Variants in SPIRE1 observed in about 807,000 individuals in gnomAD.
SPIRE1 encodes spire type actin nucleation factor 1.
SPIRE1 carries 40 observed loss-of-function variants against 94.1 expected under a neutral mutation model. The observed-to-expected ratio is 0.43, with a 90% CI of 0.33 to 0.55. SPIRE1 has a LOEUF of 0.55. Ranked by LOEUF, SPIRE1 falls within the 20% of genes least tolerant of loss-of-function variation. SPIRE1 has a pLI of 0.06. For synonymous variants in SPIRE1, 376 were observed against 371.7 expected (o/e 1.01, Z -0.13); for missense variants, 838 against 975.2 (o/e 0.86, Z 1.87).
At chr18:12,452,685 G>A in intron 14 of SPIRE1, 173 bp from the exon 15 acceptor site, 1 of 691,190 alleles carries the variant, frequency 1.4e-6, no homozygotes, top group Non-Finnish European at 2.5e-6. Context: ...ATAATCTACA[G>A]AACTTAACTC....
At chr18:12,489,311 T>C (rs2033149655) in intron 8 of SPIRE1, among the ~76,000 whole-genome samples, 1 of 152,236 alleles carries the variant, frequency 6.6e-6, no homozygotes, top group South Asian at 2.1e-4. Flanking sequence ...TTACCTACTC[T>C]AGATTGTCCT....
At chr18:12,534,589 A>G (rs1227697019) in intron 4 of SPIRE1, among the ~76,000 whole-genome samples, 2 of 152,028 alleles carry the variant, frequency 1.3e-5, no homozygotes, top group Non-Finnish European at 2.9e-5. Context: ...AGAGGAAGGA[A>G]AATTGGTCTC....
chr18:12,481,898 G>A (rs2032856654), intron 9 of SPIRE1, among the ~76,000 whole-genome samples: 1 of 152,126 alleles, frequency 6.6e-6, no homozygotes, highest in African/African-American at 2.4e-5. Flanking sequence ...GAATTTTCTA[G>A]GAGAAAGCAC....
chr18:12,531,312 T>C (rs895291051), intron 4 of SPIRE1, among the ~76,000 whole-genome samples: 3 of 152,192 alleles, frequency 2.0e-5, no homozygotes, highest in Admixed American at 6.6e-5. Context: ...CATTCTCTCA[T>C]AAACTCTCTT....
At chr18:12,514,351 TTTCCATAGCTC>T (rs991965889) in intron 4 of SPIRE1, among the ~76,000 whole-genome samples, 2 of 152,212 alleles carry the variant, frequency 1.3e-5, no homozygotes, top group Non-Finnish European at 2.9e-5. Context: ...TTTATGTCTT[TTTCCATAGCTC>T]TTCCTACCTT....
rs566339859 is a variant in SPIRE1 at position 12,559,429 on chromosome 18, C to T, written c.373-12525G>A. Reference sequence around the variant, plus strand: ...CCCACCCGGAACTCGTGCTGGCCTGCGAACACCACGCGCAGCCCTGGTTGC... The same window carrying T: ...CCCACCCGGAACTCGTGCTGGCCTGTGAACACCACGCGCAGCCCTGGTTGC... On this transcript the variant is annotated intron_variant, in intron 2 of 16. Coordinates refer to ENST00000409402, the MANE Select transcript of SPIRE1 (RefSeq NM_001128626.2). This position sits in a 1 kb window ranked among gnomAD's most constrained non-coding sequence, Gnocchi z 4.7. Among the ~76,000 whole-genome samples the T allele has an allele frequency of 1.0e-3, 158 of 152,258 alleles. No homozygotes were observed. The highest frequency in any genetic ancestry group is 3.5e-3 in the African/African-American group (145 of 41,560).
At chr18:12,457,155 G>C (rs554677987) in intron 12 of SPIRE1, among the ~76,000 whole-genome samples, 10 of 152,258 alleles carry the variant, frequency 6.6e-5, no homozygotes. Flanking sequence ...TTTAAAAATA[G>C]TAGATTTTTG....
chr18:12,476,826 T>C (rs1260140516), intron 10 of SPIRE1, among the ~76,000 whole-genome samples: 1 of 152,106 alleles, frequency 6.6e-6, no homozygotes, highest in Non-Finnish European at 1.5e-5. Flanking sequence ...CTTATTTCCA[T>C]ACCCTTGTCT....
chr18:12,636,832 A>G (rs2037941801), intron 1 of SPIRE1, among the ~76,000 whole-genome samples: 1 of 152,228 alleles, frequency 6.6e-6, no homozygotes, highest in Non-Finnish European at 1.5e-5. Flanking sequence ...ATTTATACAT[A>G]TGATTGTTTG....
intron 12 of SPIRE1, among the ~76,000 whole-genome samples, chr18:12,462,172 C>T (rs1370483955): frequency 6.6e-6 from 1 of 152,120 alleles, no homozygotes; most frequent in Admixed American, 6.6e-5. Context: ...TCTTTAATTG[C>T]ACTGTTTTGG....
intron 2 of SPIRE1, among the ~76,000 whole-genome samples, chr18:12,573,278 G>A (rs1266897472): frequency 6.6e-6 from 1 of 151,794 alleles, no homozygotes; most frequent in Non-Finnish European, 1.5e-5. Context: ...AAATTACAAC[G>A]AGATACTACT....
At chr18:12,476,564 A>AAAAAAAAAAT (rs1568194404) in intron 10 of SPIRE1, among the ~76,000 whole-genome samples, 2 of 69,842 alleles carry the variant, frequency 2.9e-5, no homozygotes, top group African/African-American at 1.5e-4. Flanking sequence ...AAAAAAAAAA[A>AAAAAAAAAAT]ATATATATAT....
intron 1 of SPIRE1, among the ~76,000 whole-genome samples, chr18:12,654,871 T>C (rs1467085291): frequency 6.7e-6 from 1 of 150,244 alleles, no homozygotes; most frequent in East Asian, 2.0e-4. Flanking sequence ...CTACCAAAAA[T>C]ACAAAAATTA....
chr18:12,639,834 A>T (rs530159702), intron 1 of SPIRE1, among the ~76,000 whole-genome samples: 4 of 151,244 alleles, frequency 2.6e-5, no homozygotes, highest in Admixed American at 6.6e-5. Flanking sequence ...GTACCACTGC[A>T]CTCCAGCCTG....
At chr18:12,643,068 TGTATA>T (rs1356427580) in intron 1 of SPIRE1, among the ~76,000 whole-genome samples, 3 of 151,942 alleles carry the variant, frequency 2.0e-5, no homozygotes, top group African/African-American at 2.4e-5. Flanking sequence ...TTCTTGACTA[TGTATA>T]GTATATGTAG....
intron 4 of SPIRE1, among the ~76,000 whole-genome samples, chr18:12,516,444 A>G (rs1298699121): frequency 1.3e-5 from 2 of 152,154 alleles, no homozygotes; most frequent in African/African-American, 4.8e-5. Context: ...AGACGGTAGT[A>G]AGAGACTGTC....
intron 2 of SPIRE1, among the ~76,000 whole-genome samples, chr18:12,566,826 G>T (rs1400720837): frequency 2.0e-5 from 3 of 151,978 alleles, no homozygotes; most frequent in Non-Finnish European, 4.4e-5. Context: ...CAAGCAGAAG[G>T]AATATTTCTA....
intron 2 of SPIRE1, among the ~76,000 whole-genome samples, chr18:12,599,059 C>T (rs1184479904): frequency 6.6e-6 from 1 of 152,142 alleles, no homozygotes; most frequent in Non-Finnish European, 1.5e-5. Context: ...GAGTAAGTCA[C>T]AAACTTTATG....
rs1310948357 is a variant in SPIRE1 at position 12,449,869 on chromosome 18, G to T, written c.2040C>A (p.Asp680Glu). ...ARFSSKSKSM[D>E]KSDEELQFPK... The stretch of plus-strand genomic sequence containing the variant: ...GAAACTGGAGTTCTTCATCTGATTT[G>T]TCCATAGACTTAGATTTTGAGGAGA... The change falls in exon 17 of 17, where the codon GAC becomes GAA. Residue 680 changes from aspartate (D) to glutamate (E), a missense_variant. Transcript: ENST00000409402. 1 of 1,614,062 alleles carries T rather than the reference G, an allele frequency of 6.2e-7. No homozygotes were observed. The highest frequency in any genetic ancestry group is 8.5e-7 in the Non-Finnish European group (1 of 1,180,020).
Sources: gnomAD v4.1 joint callset for allele counts (sites outside exome capture counted in the v4.1 genomes callset) on GRCh38, gnomAD v4.1.1 for gene constraint, Gnocchi (gnomAD v3.1) non-coding constraint, MANE v1.5 for transcripts, NCBI Gene and HGNC (gene_info 2026-07-23, HGNC 2026-07-21) for gene names.